SRD5A2: variants seen among roughly 807,000 people sequenced by gnomAD.
SRD5A2 encodes steroid 5 alpha-reductase 2.
Under a neutral mutation model 27.4 loss-of-function variants are expected in SRD5A2, and 30 were observed. The ratio of observed to expected loss-of-function variants is 1.10; its 90% CI spans 0.82 to 1.49. The LOEUF (loss-of-function observed/expected upper bound fraction) is 1.49, where lower values mean the gene tolerates loss of function less well. SRD5A2 is among the 40% of genes most tolerant of loss of function. The probability of loss-of-function intolerance (pLI) is 0.00; values close to 1 mark genes in which losing one functional copy is unlikely to be tolerated. For missense variants in SRD5A2, 348 were observed against 323.4 expected, an observed-to-expected ratio of 1.08 and a Z score of -0.58; for synonymous variants, 141 against 133.6, an observed-to-expected ratio of 1.06 and a Z score of -0.38.
At chr2:31,638,631 T>C in the SRD5A2 span, among the ~76,000 whole-genome samples, 1 of 152,110 alleles carries the variant, frequency 6.6e-6, no homozygotes, top group Non-Finnish European at 1.5e-5. Flanking sequence ...TATTTACAAT[T>C]GTTATATCCT....
At position 31,549,081 on chromosome 2, in the gene SRD5A2, A is replaced by AATTATTATTATTATT. The variant is rs71405576; in HGVS notation, c.282-15330_282-15316dup. Among the ~76,000 whole-genome samples, 118 of 131,378 alleles carry AATTATTATTATTATT rather than the reference A, an allele frequency of 9.0e-4. 1 individual carries two copies. Among genetic ancestry groups the AATTATTATTATTATT allele is most frequent in the South Asian group, 2.2e-3 (8 of 3,646 alleles). The allele number at this position is 131,378 out of a possible 152,430, so 86.2% of individuals were successfully genotyped here. ...GCTTCCAGGGGCTGGAAGTAGAGGGAATTATTATTATTATTATTATTATTA... is the reference window on the plus strand; with the variant it reads ...GCTTCCAGGGGCTGGAAGTAGAGGGAATTATTATTATTATTATTATTATTATTATTATTATTATTA... On this transcript the variant is annotated intron_variant, in intron 1 of 4. Coordinates refer to ENST00000622030, the MANE Select transcript of SRD5A2 (RefSeq NM_000348.4).
intron 1 of SRD5A2, among the ~76,000 whole-genome samples, chr2:31,547,788 C>T (rs1256639501): frequency 6.6e-6 from 1 of 152,130 alleles, no homozygotes; most frequent in African/African-American, 2.4e-5. Context: ...TGTTATGAAA[C>T]TTCTCAGCCT....
intron 1 of SRD5A2, among the ~76,000 whole-genome samples, chr2:31,544,807 G>C (rs1666209948): frequency 6.6e-6 from 1 of 151,720 alleles, no homozygotes; most frequent in Admixed American, 6.6e-5. Flanking sequence ...TCTACACTTA[G>C]ATTGACTAAG....
At chr2:31,587,823 G>T in the SRD5A2 span, among the ~76,000 whole-genome samples, 1 of 152,060 alleles carries the variant, frequency 6.6e-6, no homozygotes, top group Non-Finnish European at 1.5e-5. Flanking sequence ...TAGATGACGG[G>T]TTGAAGGTGC....
At chr2:31,569,639 C>A (rs1666809892) in intron 1 of SRD5A2, among the ~76,000 whole-genome samples, 2 of 146,314 alleles carry the variant, frequency 1.4e-5, no homozygotes, top group South Asian at 2.1e-4. Context: ...ACAAATGGTA[C>A]TAAAACAATT....
chr2:31,654,134 A>T, the SRD5A2 span, among the ~76,000 whole-genome samples: 1 of 152,278 alleles, frequency 6.6e-6, no homozygotes, highest in South Asian at 2.1e-4. Context: ...GCCAGCAAAA[A>T]CATACAGTTC....
the SRD5A2 span, among the ~76,000 whole-genome samples, chr2:31,620,562 T>C: frequency 6.6e-6 from 1 of 152,078 alleles, no homozygotes; most frequent in Non-Finnish European, 1.5e-5. Flanking sequence ...ATTGCGATAT[T>C]TGCTTTATTG....
upstream of SRD5A2, among the ~76,000 whole-genome samples, chr2:31,584,744 A>G (rs1667147524): frequency 1.3e-5 from 2 of 152,348 alleles, no homozygotes; most frequent in Non-Finnish European, 2.9e-5. Context: ...GAGGTGGAGC[A>G]AGATGGTGGA....
chr2:31,648,674 A>C, the SRD5A2 span, among the ~76,000 whole-genome samples: 1,686 of 152,298 alleles, frequency 0.011, 35 homozygotes, highest in African/African-American at 0.038. Context: ...TCCTCAGAAG[A>C]AAGCAACCAA....
At chr2:31,638,085 G>A in the SRD5A2 span, among the ~76,000 whole-genome samples, 4 of 151,814 alleles carry the variant, frequency 2.6e-5, no homozygotes, top group Non-Finnish European at 1.5e-5. Context: ...TTCCCTGTTA[G>A]TACTGCTTTT....
chr2:31,607,721 C>T, the SRD5A2 span, among the ~76,000 whole-genome samples: 2 of 151,916 alleles, frequency 1.3e-5, no homozygotes, highest in South Asian at 4.1e-4. Flanking sequence ...TGCGTAAATG[C>T]AAAAACAAAC....
the SRD5A2 span, among the ~76,000 whole-genome samples, chr2:31,626,543 A>G: frequency 2.6e-5 from 4 of 151,960 alleles, no homozygotes; most frequent in Admixed American, 2.6e-4. Context: ...CAGCACCTAG[A>G]TTATTGAGAG....
At chr2:31,564,280 G>C (rs1321359395) in intron 1 of SRD5A2, among the ~76,000 whole-genome samples, 1 of 151,710 alleles carries the variant, frequency 6.6e-6, no homozygotes, top group African/African-American at 2.4e-5. Context: ...AAAAATACCA[G>C]AGATGGGATT....
At chr2:31,569,682 A>AC (rs1251150609) in intron 1 of SRD5A2, among the ~76,000 whole-genome samples, 2 of 151,980 alleles carry the variant, frequency 1.3e-5, no homozygotes, top group African/African-American at 4.8e-5. Flanking sequence ...AAAAACAAAA[A>AC]AAAAAAAACA....
At chr2:31,565,740 A>C (rs1666716711) in intron 1 of SRD5A2, among the ~76,000 whole-genome samples, 1 of 152,038 alleles carries the variant, frequency 6.6e-6, no homozygotes, top group Admixed American at 6.6e-5. Flanking sequence ...AAGAAAAAAA[A>C]GCAAGTCTAC....
chr2:31,655,999 T>C, the SRD5A2 span, among the ~76,000 whole-genome samples: 1 of 152,156 alleles, frequency 6.6e-6, no homozygotes, highest in Non-Finnish European at 1.5e-5. Flanking sequence ...TGAAAGTAGA[T>C]GCACATATAG....
chr2:31,549,081 AATTATTATTATTATTATTATTATTATT>A lies in SRD5A2; in HGVS notation c.282-15342_282-15316del, dbSNP rs71405576. Among the ~76,000 whole-genome samples the A allele has an allele frequency of 7.6e-5, 10 of 131,396 alleles. 1 individual carries two copies. Among genetic ancestry groups the A allele is most frequent in the Non-Finnish European group, 1.6e-4 (10 of 62,578 alleles). 86.2% of individuals were successfully genotyped at this position (131,396 alleles called of 152,430 possible). The stretch of plus-strand genomic sequence containing the variant: ...GCTTCCAGGGGCTGGAAGTAGAGGG[AATTATTATTATTATTATTATTATTATT>A]ATTATTATTATTATTATTATTTAAG... On this transcript the variant is annotated intron_variant, in intron 1 of 4. Transcript: ENST00000622030.
intron 1 of SRD5A2, among the ~76,000 whole-genome samples, chr2:31,553,927 A>G (rs957417188): frequency 2.6e-5 from 4 of 152,152 alleles, no homozygotes; most frequent in African/African-American, 7.2e-5. Flanking sequence ...GGTTTGGACA[A>G]AGGAGTAGTA....
chr2:31,552,718 G>T (rs911944714), intron 1 of SRD5A2, among the ~76,000 whole-genome samples: 1 of 152,148 alleles, frequency 6.6e-6, no homozygotes, highest in African/African-American at 2.4e-5. Context: ...AGGAAAAGAG[G>T]CAGTCAGCTT....
Sources: allele counts gnomAD v4.1 joint callset (sites outside exome capture counted in the v4.1 genomes callset), GRCh38; gene constraint gnomAD v4.1.1; transcripts MANE v1.5; gene names NCBI Gene and HGNC (gene_info 2026-07-23, HGNC 2026-07-21).